Variants in KAZN observed in about 807,000 individuals in gnomAD.
The protein encoded by KAZN is kazrin.
A neutral mutation model predicts 87.4 loss-of-function variants in KAZN; 40 were observed. The observed-to-expected ratio is 0.46, with a 90% CI of 0.36 to 0.60. The LOEUF (loss-of-function observed/expected upper bound fraction) is 0.60, where lower values mean the gene tolerates loss of function less well. KAZN is among the 20% of genes least tolerant of loss of function. The pLI, the probability that KAZN is intolerant of heterozygous loss-of-function variation, is 0.00. For synonymous variants in KAZN, 466 were observed against 458.3 expected, an observed-to-expected ratio of 1.02 and a Z score of -0.22; for missense variants, 898 against 1,073.9, an observed-to-expected ratio of 0.84 and a Z score of 2.29.
At chr1:14,476,786 C>T (rs987367850) in intron 2 of KAZN, among the ~76,000 whole-genome samples, 33 of 152,256 alleles carry the variant, frequency 2.2e-4, no homozygotes, top group African/African-American at 7.7e-4. Context: ...AAATTCTTTG[C>T]TGCACCCACA....
At chr1:14,755,251 T>G (rs907811233) in intron 1 of KAZN, among the ~76,000 whole-genome samples, 1 of 152,010 alleles carries the variant, frequency 6.6e-6, no homozygotes, top group Non-Finnish European at 1.5e-5. Flanking sequence ...AGACCCTGTC[T>G]CAAAAACAAA....
At chr1:13,927,698 A>G (rs1322126564) in intron 1 of KAZN, among the ~76,000 whole-genome samples, 1 of 152,204 alleles carries the variant, frequency 6.6e-6, no homozygotes, top group Non-Finnish European at 1.5e-5. Flanking sequence ...TCCTGCCCCA[A>G]GAAGCTTGCA....
At chr1:14,490,480 G>GT (rs778067737) in intron 2 of KAZN, among the ~76,000 whole-genome samples, 1 of 151,878 alleles carries the variant, frequency 6.6e-6, no homozygotes, top group South Asian at 2.1e-4. Flanking sequence ...TTTTTTGTTT[G>GT]TTTTTTTGGT....
At chr1:14,514,764 G>A (rs796258255) in intron 2 of KAZN, among the ~76,000 whole-genome samples, 23 of 150,786 alleles carry the variant, frequency 1.5e-4, no homozygotes, top group African/African-American at 5.4e-4. Context: ...CTTGACAAAT[G>A]ACTTCAACTT....
chr1:14,587,817 A>C (rs1054230494), intron 2 of KAZN, among the ~76,000 whole-genome samples: 1 of 152,162 alleles, frequency 6.6e-6, no homozygotes, highest in African/African-American at 2.4e-5. Context: ...GAGGGGACAA[A>C]CAACCACACT....
intron 2 of KAZN, among the ~76,000 whole-genome samples, chr1:14,311,357 A>AT (rs1655280207): frequency 6.6e-6 from 1 of 150,448 alleles, no homozygotes; most frequent in African/African-American, 2.5e-5. Flanking sequence ...GGATCATTCA[A>AT]TGAGAGGATG....
chr1:14,556,393 G>A (rs1398957719), intron 2 of KAZN, among the ~76,000 whole-genome samples: 1 of 152,064 alleles, frequency 6.6e-6, no homozygotes, highest in Non-Finnish European at 1.5e-5. Flanking sequence ...ACAGGTGTGA[G>A]CCCCCGTGCC....
chr1:14,527,848 C>A (rs1671973657), intron 2 of KAZN, among the ~76,000 whole-genome samples: 1 of 152,088 alleles, frequency 6.6e-6, no homozygotes, highest in African/African-American at 2.4e-5. Flanking sequence ...CCCCCATGAC[C>A]CAAATACCTT....
At chr1:13,893,830 G>A (rs776884905) in intron 1 of KAZN, 116 of 1,519,114 alleles carry the variant, frequency 7.6e-5, no homozygotes, top group Non-Finnish European at 1.0e-4. Flanking sequence ...CAAAAACAGC[G>A]GTCTGTGTGT....
intron 4 of KAZN, among the ~76,000 whole-genome samples, chr1:15,053,003 G>A (rs1440912156): frequency 2.0e-5 from 3 of 152,220 alleles, no homozygotes; most frequent in African/African-American, 4.8e-5. Context: ...GCCTGTTTCA[G>A]GGGCTGGCTT....
At position 14,996,046 on chromosome 1, in the gene KAZN, G is replaced by A. The variant is rs1045268437; in HGVS notation, c.418+35171G>A. Reference sequence around the variant, plus strand: ...ACACCTAATGCCATCCTCAGCCCGCGGCCCTCTGTAGCCCCCAGCCCCTTC... The same window carrying A: ...ACACCTAATGCCATCCTCAGCCCGCAGCCCTCTGTAGCCCCCAGCCCCTTC... On this transcript the variant is annotated intron_variant, in intron 2 of 14. Transcript: ENST00000376030. This position sits in a 1 kb window ranked among gnomAD's most constrained non-coding sequence, Gnocchi z 5.9. Among the ~76,000 whole-genome samples the A allele has an allele frequency of 1.3e-5, 2 of 152,220 alleles. No individual in the cohort carries two copies. Among genetic ancestry groups the A allele is most frequent in the African/African-American group, 2.4e-5 (1 of 41,526 alleles).
intron 2 of KAZN, among the ~76,000 whole-genome samples, chr1:14,511,520 C>A (rs958964089): frequency 1.3e-5 from 2 of 152,200 alleles, no homozygotes; most frequent in African/African-American, 4.8e-5. Flanking sequence ...AAGACACTAT[C>A]CCTACTGTAT....
intron 2 of KAZN, among the ~76,000 whole-genome samples, chr1:14,232,113 A>C (rs560274741): frequency 4.4e-4 from 67 of 152,282 alleles, no homozygotes; most frequent in Non-Finnish European, 3.2e-4. Flanking sequence ...TTCAGAAGGA[A>C]GAGGAAATGG....
Position 15,092,447 on chromosome 1 carries a change from T to G in KAZN, c.1223-1733T>G, listed in dbSNP as rs113617783. 7.5e-3 allele frequency among the ~76,000 whole-genome samples: 1,124 copies of G among 150,242 alleles called. 15 individuals are homozygous for G. Among genetic ancestry groups the G allele is most frequent in the African/African-American group, 0.026 (1,061 of 41,346 alleles). On this transcript the variant is annotated intron_variant, in intron 8 of 14. Coordinates refer to ENST00000376030, the MANE Select transcript of KAZN (RefSeq NM_201628.3). The stretch of plus-strand genomic sequence containing the variant: ...TGTCTGTTTGGGTGTGTGTGTGTGT[T>G]TTTATTTGTTTTGTTTTGTTTTGTT...
intron 2 of KAZN, among the ~76,000 whole-genome samples, chr1:14,355,399 C>CTT (rs1252023333): frequency 1.3e-4 from 16 of 119,962 alleles, no homozygotes; most frequent in African/African-American, 3.5e-4. Context: ...GAACAATCTA[C>CTT]ATATTTATTT....
At chr1:14,699,131 C>T (rs1369130132) in intron 1 of KAZN, among the ~76,000 whole-genome samples, 1 of 151,554 alleles carries the variant, frequency 6.6e-6, no homozygotes, top group Non-Finnish European at 1.5e-5. Flanking sequence ...CCAGGGAAGT[C>T]CCAGACTGAA....
At chr1:13,994,437 C>T (rs1639418153) in intron 1 of KAZN, among the ~76,000 whole-genome samples, 1 of 152,188 alleles carries the variant, frequency 6.6e-6, no homozygotes, top group African/African-American at 2.4e-5. Context: ...AGAAATGAAG[C>T]TCATCATTTT....
intron 1 of KAZN, among the ~76,000 whole-genome samples, chr1:14,062,054 G>A (rs1288354622): frequency 1.3e-5 from 2 of 152,134 alleles, no homozygotes; most frequent in Non-Finnish European, 2.9e-5. Context: ...CAGCAAACAG[G>A]AAGCGTGGTG....
At chr1:14,902,110 G>A (rs1465689998) in intron 1 of KAZN, among the ~76,000 whole-genome samples, 3 of 152,212 alleles carry the variant, frequency 2.0e-5, no homozygotes, top group South Asian at 2.1e-4. Flanking sequence ...ACACAGTTCC[G>A]TGCACGCACT....
Sources: allele counts gnomAD v4.1 joint callset (sites outside exome capture counted in the v4.1 genomes callset), GRCh38; gene constraint gnomAD v4.1.1; non-coding constraint Gnocchi (gnomAD v3.1); transcripts MANE v1.5; gene names NCBI Gene and HGNC (gene_info 2026-07-23, HGNC 2026-07-21).